The following RBFOX1 variants were observed in gnomAD, a reference collection of about 807,000 sequenced individuals.
RBFOX1 encodes the protein RNA binding protein fox-1 homolog 1.
Under a neutral mutation model 57.7 loss-of-function variants are expected in RBFOX1, and 8 were observed. That is an observed-to-expected ratio of 0.14 (90% CI 0.08 to 0.25). The LOEUF is 0.25. RBFOX1 is among the 10% of genes least tolerant of loss of function. RBFOX1 has a pLI of 1.00. For synonymous variants in RBFOX1, 326 were observed against 222.4 expected, an observed-to-expected ratio of 1.47 and a Z score of -4.15; for missense variants, 611 against 548.5, an observed-to-expected ratio of 1.11 and a Z score of -1.14.
intron 3 of RBFOX1, among the ~76,000 whole-genome samples, chr16:5,692,268 A>C (rs1714712574): frequency 6.6e-6 from 1 of 151,876 alleles, no homozygotes; most frequent in Non-Finnish European, 1.5e-5. Flanking sequence ...GCTTTAAAGA[A>C]GCAAGATGCC....
intron 5 of RBFOX1, among the ~76,000 whole-genome samples, chr16:7,518,738 G>C (rs534824343): frequency 2.6e-5 from 4 of 152,110 alleles, no homozygotes; most frequent in East Asian, 3.9e-4. Context: ...CAAGTCTTAC[G>C]GAGGCTGGGT....
Position 7,040,337 on chromosome 16 carries a change from C to A in RBFOX1, c.-15-11720C>A, listed in dbSNP as rs187720158. Reference sequence around the variant, plus strand: ...CCCGGCTGAGTTATTTTATAGCCACCATTAATCACATACTTACTATGTGCC... The same window carrying A: ...CCCGGCTGAGTTATTTTATAGCCACAATTAATCACATACTTACTATGTGCC... On this transcript the variant is annotated intron_variant, in intron 3 of 15. Coordinates refer to ENST00000550418, the MANE Select transcript of RBFOX1 (RefSeq NM_018723.4). Among the ~76,000 whole-genome samples, 127 of 152,134 alleles carry A rather than the reference C, an allele frequency of 8.3e-4. 1 individual carries two copies. The Middle Eastern group carries it at 0.01, about 12-fold the overall frequency.
intron 4 of RBFOX1, among the ~76,000 whole-genome samples, chr16:7,303,392 C>G (rs182068331): frequency 2.8e-4 from 42 of 152,274 alleles, no homozygotes; most frequent in Admixed American, 1.3e-3. Context: ...GTTTATTTGG[C>G]AAGGAATCCG....
chr16:7,258,786 C>T (rs1178796905), intron 4 of RBFOX1, among the ~76,000 whole-genome samples: 10 of 152,068 alleles, frequency 6.6e-5, no homozygotes, highest in East Asian at 1.9e-4. Flanking sequence ...TGATTTTGAA[C>T]CGAGAAAGGG....
rs184782074 is a variant in RBFOX1, at chr16:6,053,214, C to T, written c.-127+33222C>T. 8.0e-3 allele frequency among the ~76,000 whole-genome samples: 1,213 copies of T among 152,292 alleles called. 9 individuals carry two copies. The highest frequency in any genetic ancestry group is 0.013 in the Non-Finnish European group (912 of 68,028). On this transcript the variant is annotated intron_variant, in intron 1 of 15. Transcript: ENST00000550418. ...AATTATCCGAGGGCTCCTGATGTAA[C>T]TCCTGCCCCCAATCTTGCATCTTAG...
intron 1 of RBFOX1, among the ~76,000 whole-genome samples, chr16:6,187,637 G>A (rs1832874082): frequency 6.6e-6 from 1 of 152,168 alleles, no homozygotes; most frequent in South Asian, 2.1e-4. Flanking sequence ...TGGAGATCAG[G>A]ATACAGGTGG....
At chr16:6,579,607 T>C (rs1450892578) in intron 2 of RBFOX1, among the ~76,000 whole-genome samples, 2 of 152,130 alleles carry the variant, frequency 1.3e-5, no homozygotes, top group African/African-American at 4.8e-5. Context: ...CCTGTTTGCT[T>C]CCCCTTCCGC....
intron 1 of RBFOX1, among the ~76,000 whole-genome samples, chr16:5,423,659 A>G (rs1208044541): frequency 6.6e-6 from 1 of 152,130 alleles, no homozygotes; most frequent in Non-Finnish European, 1.5e-5. Flanking sequence ...TATTGATATA[A>G]TATCTTCTTT....
chr16:7,272,738 C>G (rs913696941), intron 4 of RBFOX1, among the ~76,000 whole-genome samples: 1 of 152,062 alleles, frequency 6.6e-6, no homozygotes, highest in Non-Finnish European at 1.5e-5. Context: ...GCTGAGAGCT[C>G]CTGAAGCTCC....
At chr16:5,922,055 G>C (rs1049782881) in intron 4 of RBFOX1, among the ~76,000 whole-genome samples, 1 of 152,088 alleles carries the variant, frequency 6.6e-6, no homozygotes, top group East Asian at 1.9e-4. Flanking sequence ...CAGCTACTTG[G>C]GAGGCTGAAG....
chr16:5,283,638 C>T (rs915307799), intron 1 of RBFOX1, among the ~76,000 whole-genome samples: 1 of 152,156 alleles, frequency 6.6e-6, no homozygotes, highest in Admixed American at 6.5e-5. Flanking sequence ...TTTACTGCCG[C>T]ACTGGATTTT....
At chr16:6,804,254 C>T (rs766308041) in intron 3 of RBFOX1, among the ~76,000 whole-genome samples, 1 of 151,742 alleles carries the variant, frequency 6.6e-6, no homozygotes, top group East Asian at 2.0e-4. Flanking sequence ...TTGATCCGCC[C>T]ACCTCAGCCT....
intron 4 of RBFOX1, among the ~76,000 whole-genome samples, chr16:7,062,664 C>T (rs888469664): frequency 7.9e-5 from 12 of 152,124 alleles, no homozygotes; most frequent in Admixed American, 4.6e-4. Context: ...AATTCTTTCT[C>T]CTGAGACTCT....
chr16:7,706,449 G>T (rs1188570037), intron 14 of RBFOX1, among the ~76,000 whole-genome samples: 1 of 152,160 alleles, frequency 6.6e-6, no homozygotes. Context: ...CAGCGTTATA[G>T]AATTTACCAC....
At chr16:6,820,896 C>G (rs1400755493) in intron 3 of RBFOX1, among the ~76,000 whole-genome samples, 1 of 152,070 alleles carries the variant, frequency 6.6e-6, no homozygotes, top group African/African-American at 2.4e-5. Flanking sequence ...CTTTGTCATC[C>G]TTAGCAGTTT....
intron 4 of RBFOX1, among the ~76,000 whole-genome samples, chr16:7,210,255 T>C (rs1417824923): frequency 6.6e-6 from 1 of 152,142 alleles, no homozygotes; most frequent in Non-Finnish European, 1.5e-5. Context: ...ACTTATAGGA[T>C]TGCGAGGCTG....
chr16:5,765,936 C>T (rs141985883), intron 3 of RBFOX1, among the ~76,000 whole-genome samples: 6 of 152,304 alleles, frequency 3.9e-5, no homozygotes, highest in East Asian at 3.9e-4. Context: ...CACCACTACC[C>T]AGCTACATGG....
intron 2 of RBFOX1, among the ~76,000 whole-genome samples, chr16:6,402,046 G>A (rs1287347079): frequency 6.6e-6 from 1 of 151,648 alleles, no homozygotes; most frequent in Non-Finnish European, 1.5e-5. Context: ...TAATGGTGGG[G>A]CCAGGGAGAA....
intron 3 of RBFOX1, among the ~76,000 whole-genome samples, chr16:5,789,223 T>C (rs2342734): frequency 0.77 from 117,217 of 152,128 alleles, 45,432 homozygotes; most frequent in East Asian, 0.99. Flanking sequence ...CCTATAATAC[T>C]TTATAATCCT....
Sources: allele counts gnomAD v4.1 joint callset (sites outside exome capture counted in the v4.1 genomes callset), GRCh38; gene constraint gnomAD v4.1.1; transcripts MANE v1.5; gene names NCBI Gene and HGNC (gene_info 2026-07-23, HGNC 2026-07-21).